OTOGL: variants seen among roughly 807,000 people sequenced by gnomAD.
OTOGL encodes otogelin-like protein.
A neutral mutation model predicts 318.5 loss-of-function variants in OTOGL; 285 were observed. That is an observed-to-expected ratio of 0.89 (90% CI 0.81 to 0.99). OTOGL has a LOEUF of 0.99. Ranked by LOEUF, OTOGL falls within the 50% of genes least tolerant of loss-of-function variation. OTOGL has a pLI of 0.00. For synonymous variants in OTOGL, 987 were observed against 936.5 expected, an observed-to-expected ratio of 1.05 and a Z score of -0.99; for missense variants, 2,899 against 2,845.6, an observed-to-expected ratio of 1.02 and a Z score of -0.43.
intron 8 of OTOGL, among the ~76,000 whole-genome samples, chr12:80,229,648 C>CT (rs1160391789): frequency 3.4e-4 from 49 of 146,244 alleles, no homozygotes; most frequent in Admixed American, 4.1e-4. Flanking sequence ...CTCTCTCTCT[C>CT]TTTTTTTTTT....
At chr12:80,243,232 T>G (rs750269520) in intron 11 of OTOGL, among the ~76,000 whole-genome samples, 4 of 151,922 alleles carry the variant, frequency 2.6e-5, no homozygotes, top group Non-Finnish European at 4.4e-5. Context: ...AAAGATAATA[T>G]CTCATCAGAA....
In OTOGL at chr12:80,170,219, ATGTG is replaced by A. The variant is rs796199421; in HGVS notation, c.-19-39184_-19-39181del. Reference sequence around the variant, plus strand: ...TGTGTGTGTGTGTGTGTGTGTATGTATGTGTGTGTGTGTATGTATGTATGTGTGT... The same window carrying A: ...TGTGTGTGTGTGTGTGTGTGTATGTATGTGTGTGTATGTATGTATGTGTGT... On this transcript the variant is annotated intron_variant, in intron 1 of 58. Transcript: ENST00000547103. Among the ~76,000 whole-genome samples the A allele has an allele frequency of 5.2e-3, 605 of 116,746 alleles. 3 individuals carry two copies. Among genetic ancestry groups the A allele is most frequent in the Non-Finnish European group, 7.0e-3 (412 of 59,192 alleles). The allele number at this position is 116,746 out of a possible 152,430, so 76.6% of individuals were successfully genotyped here. A position where few individuals can be genotyped will look rare whatever the true frequency, so the allele number is the denominator to read the frequency against.
intron 6 of OTOGL, 86 bp downstream of exon 6, chr12:80,219,998 TG>T: frequency 1.0e-6 from 1 of 991,174 alleles, no homozygotes; most frequent in Non-Finnish European, 1.5e-6. Flanking sequence ...GTTCATCCAT[TG>T]GGAGTTGTAT....
At chr12:80,322,240 C>T (rs1202588168) in intron 34 of OTOGL, among the ~76,000 whole-genome samples, 6 of 152,202 alleles carry the variant, frequency 3.9e-5, no homozygotes, top group Admixed American at 2.0e-4. Flanking sequence ...GCATTCCATA[C>T]AGTGGATGTG....
In OTOGL at chr12:80,244,186, A is replaced by G. The variant is rs934828307; in HGVS notation, c.1052+4747A>G. Among the ~76,000 whole-genome samples, 85 of 135,842 alleles carry G rather than the reference A, an allele frequency of 6.3e-4. 1 individual carries two copies. Among genetic ancestry groups the G allele is most frequent in the African/African-American group, 2.4e-3 (80 of 32,898 alleles). 89.1% of individuals were successfully genotyped at this position (135,842 alleles called of 152,430 possible). A position where few individuals can be genotyped will look rare whatever the true frequency, so the allele number is the denominator to read the frequency against. On this transcript the variant is annotated intron_variant, in intron 11 of 58. Transcript: ENST00000547103. ...TTTCTTTTTTTCTTTTTTTTTTTTT[A>G]TACTTTAAGTTTTAGGGTACATGTG...
intron 37 of OTOGL, among the ~76,000 whole-genome samples, chr12:80,332,544 A>G (rs1384359344): frequency 6.6e-6 from 1 of 152,202 alleles, no homozygotes; most frequent in Admixed American, 6.6e-5. Context: ...CATGGTCCAC[A>G]TCAACATTTA....
intron 29 of OTOGL, among the ~76,000 whole-genome samples, chr12:80,306,518 T>G (rs1204761678): frequency 6.6e-6 from 1 of 152,156 alleles, no homozygotes; most frequent in Non-Finnish European, 1.5e-5. Context: ...TTTGCCTAGT[T>G]TACTAATATG....
chr12:80,369,726 T>C (rs982938488), intron 55 of OTOGL, among the ~76,000 whole-genome samples: 10 of 152,028 alleles, frequency 6.6e-5, no homozygotes, highest in African/African-American at 2.4e-4. Flanking sequence ...CCTTAATTAA[T>C]TTAAAGTAAA....
intron 1 of OTOGL, among the ~76,000 whole-genome samples, chr12:80,117,375 G>A (rs1870233063): frequency 6.6e-6 from 1 of 151,956 alleles, no homozygotes; most frequent in South Asian, 2.1e-4. Context: ...ATTCATTTAA[G>A]TTAGAGACCT....
chr12:80,310,778 C>G, intron 30 of OTOGL, 51 bp downstream of exon 30: 1 of 1,408,576 alleles, frequency 7.1e-7, no homozygotes, highest in Non-Finnish European at 9.9e-7. Flanking sequence ...TCTACTGTGT[C>G]TATAATACTG....
intron 29 of OTOGL, among the ~76,000 whole-genome samples, chr12:80,308,074 G>A (rs1284613349): frequency 3.6e-5 from 5 of 140,498 alleles, no homozygotes; most frequent in African/African-American, 1.4e-4. Flanking sequence ...CTCCCGGACG[G>A]GGCGGCTGGC....
At chr12:80,274,382 T>C (rs1423904823) in intron 24 of OTOGL, among the ~76,000 whole-genome samples, 1 of 152,052 alleles carries the variant, frequency 6.6e-6, no homozygotes, top group Non-Finnish European at 1.5e-5. Context: ...CATTCACTTC[T>C]GCAAAGGCTT....
intron 26 of OTOGL, among the ~76,000 whole-genome samples, chr12:80,286,629 CATTTATTCTAG>C (rs1185716152): frequency 1.3e-5 from 2 of 152,088 alleles, no homozygotes; most frequent in African/African-American, 4.8e-5. Flanking sequence ...GGAATTTATC[CATTTATTCTAG>C]ATTTTCTAGT....
At position 80,256,574 on chromosome 12, in the gene OTOGL, C is replaced by A. The variant is rs1037897656; in HGVS notation, c.1711+114C>A. The A allele has an allele frequency of 2.9e-6, 4 of 1,388,014 alleles. No individual in the cohort carries two copies. The East Asian group carries it at 1.0e-4, about 35-fold the overall frequency. 86.0% of individuals were successfully genotyped at this position (1,388,014 alleles called of 1,614,324 possible). ...TCCTAATGTTAGGCTGACTACCTAG[C>A]ATTTATAGAGTTTGTATGTGTCATC... On this transcript the variant is annotated intron_variant, in intron 17 of 58. Transcript: ENST00000547103.
At chr12:80,369,520 C>T (rs558867067) in intron 55 of OTOGL, among the ~76,000 whole-genome samples, 1 of 152,174 alleles carries the variant, frequency 6.6e-6, no homozygotes, top group African/African-American at 2.4e-5. Flanking sequence ...TGATTCAGAA[C>T]AGGGGTAGAT....
At chr12:80,100,806 G>A (rs1869092688) in intron 1 of OTOGL, among the ~76,000 whole-genome samples, 1 of 152,094 alleles carries the variant, frequency 6.6e-6, no homozygotes, top group African/African-American at 2.4e-5. Flanking sequence ...TCATCTTAAT[G>A]AATAAATCCT....
chr12:80,234,817 T>A (rs1017759351), intron 9 of OTOGL, among the ~76,000 whole-genome samples: 1 of 152,170 alleles, frequency 6.6e-6, no homozygotes, highest in African/African-American at 2.4e-5. Context: ...AGAGCAGGGC[T>A]CCAAAAAGTC....
intron 1 of OTOGL, among the ~76,000 whole-genome samples, chr12:80,123,669 T>A (rs1870626825): frequency 6.6e-6 from 1 of 152,088 alleles, no homozygotes; most frequent in South Asian, 2.1e-4. Flanking sequence ...GTAAAAGTGT[T>A]CCCATTTCTC....
intron 29 of OTOGL, among the ~76,000 whole-genome samples, chr12:80,308,523 T>C (rs901026225): frequency 5.6e-5 from 8 of 143,950 alleles, no homozygotes; most frequent in African/African-American, 7.8e-5. Flanking sequence ...TCCCAGACGA[T>C]GGGCGGCCAG....
Sources: allele counts gnomAD v4.1 joint callset (sites outside exome capture counted in the v4.1 genomes callset), GRCh38; gene constraint gnomAD v4.1.1; transcripts MANE v1.5; gene names NCBI Gene and HGNC (gene_info 2026-07-23, HGNC 2026-07-21).